MSR1: variants seen among roughly 807,000 people sequenced by gnomAD.
The protein encoded by MSR1 is macrophage scavenger receptor 1.
In MSR1, 53 loss-of-function variants were observed where a neutral mutation model predicts 47.2. The observed-to-expected ratio is 1.12, with a 90% CI of 0.90 to 1.41. The LOEUF is 1.41. Among genes scored for constraint, MSR1 ranks in the 40% most tolerant of loss-of-function variants. The probability of loss-of-function intolerance (pLI) is 0.00; values close to 1 mark genes in which losing one functional copy is unlikely to be tolerated. For synonymous variants in MSR1, 239 were observed against 185.6 expected (o/e 1.29, Z -2.34); for missense variants, 786 against 546.9 (o/e 1.44, Z -4.36).
At chr8:16,132,044 G>A (rs975555261) in intron 8 of MSR1, among the ~76,000 whole-genome samples, 2 of 151,716 alleles carry the variant, frequency 1.3e-5, no homozygotes, top group African/African-American at 2.4e-5. Flanking sequence ...GGTAGTTTGA[G>A]AGGAATAGCA....
chr8:16,175,417 G>GA, intron 2 of MSR1, 117 bp from the exon 3 acceptor site: 1 of 898,868 alleles, frequency 1.1e-6, no homozygotes, highest in Non-Finnish European at 1.7e-6. Flanking sequence ...TAAAAAAGAA[G>GA]AAAAAATGTT....
chr8:16,138,765 G>A (rs1456929789), intron 8 of MSR1, among the ~76,000 whole-genome samples: 1 of 152,172 alleles, frequency 6.6e-6, no homozygotes, highest in African/African-American at 2.4e-5. Context: ...CTAGATGTTT[G>A]TGTAAACTGG....
chr8:16,117,857 T>A (rs1024647697), intron 9 of MSR1, among the ~76,000 whole-genome samples: 1 of 152,074 alleles, frequency 6.6e-6, no homozygotes, highest in Non-Finnish European at 1.5e-5. Context: ...TCATAATAAG[T>A]TGTATAATCA....
At chr8:16,146,245 C>G (rs961774238) in intron 7 of MSR1, among the ~76,000 whole-genome samples, 67 of 152,022 alleles carry the variant, frequency 4.4e-4, no homozygotes, top group African/African-American at 1.5e-3. Flanking sequence ...CCCTGAATTC[C>G]TCACCTTATA....
At chr8:16,132,158 T>C (rs1381562500) in intron 8 of MSR1, among the ~76,000 whole-genome samples, 1 of 152,088 alleles carries the variant, frequency 6.6e-6, no homozygotes, top group East Asian at 1.9e-4. Flanking sequence ...TCATCTAGGA[T>C]TTCTTTGAGC....
At chr8:16,116,761 A>G (rs11780669) in intron 9 of MSR1, among the ~76,000 whole-genome samples, 10,165 of 152,120 alleles carry the variant, frequency 0.067, 543 homozygotes, top group Non-Finnish European at 0.099. Context: ...AGTTAATACA[A>G]TTTTAGGACA....
intron 8 of MSR1, among the ~76,000 whole-genome samples, chr8:16,136,291 T>C (rs968401579): frequency 1.3e-5 from 2 of 152,150 alleles, no homozygotes; most frequent in Non-Finnish European, 2.9e-5. Context: ...ACCATCACGC[T>C]GATTAGTAAG....
At chr8:16,122,202 A>T (rs1800021059) in intron 8 of MSR1, among the ~76,000 whole-genome samples, 1 of 152,116 alleles carries the variant, frequency 6.6e-6, no homozygotes, top group Admixed American at 6.6e-5. Context: ...AAACATGAAA[A>T]TAATTTGTTA....
At chr8:16,185,875 A>C (rs539553213) in intron 1 of MSR1, among the ~76,000 whole-genome samples, 4 of 151,780 alleles carry the variant, frequency 2.6e-5, no homozygotes, top group Non-Finnish European at 5.9e-5. Context: ...CACACACATA[A>C]ACTTGAAAAA....
At chr8:16,191,516 A>G (rs1174478416) in intron 1 of MSR1, among the ~76,000 whole-genome samples, 3 of 152,198 alleles carry the variant, frequency 2.0e-5, no homozygotes, top group Admixed American at 6.5e-5. Flanking sequence ...ATTTTAAAAT[A>G]TCACTTTTTT....
intron 8 of MSR1, among the ~76,000 whole-genome samples, chr8:16,132,008 T>C (rs529844683): frequency 6.6e-5 from 10 of 152,086 alleles, no homozygotes; most frequent in Non-Finnish European, 1.5e-4. Context: ...GTTTTTTTTT[T>C]TTCTAATTAC....
intron 9 of MSR1, 68 bp from the exon 10 acceptor site, chr8:16,110,286 G>C (rs971318214): frequency 6.5e-7 from 1 of 1,549,900 alleles, no homozygotes; most frequent in African/African-American, 1.4e-5. Flanking sequence ...GTGGGGCAAA[G>C]CCATTAATTC....
chr8:16,150,656 C>T (rs1800830673), intron 6 of MSR1, among the ~76,000 whole-genome samples: 1 of 151,958 alleles, frequency 6.6e-6, no homozygotes, highest in Non-Finnish European at 1.5e-5. Flanking sequence ...GAAATAATAA[C>T]TTTAAAATGC....
Position 16,132,469 on chromosome 8 carries a change from A to G in MSR1, c.1033+11089T>C, listed in dbSNP as rs150140807. ...TGACTTTTTCTCTTTCTATTTTGAT[A>G]CTGTGTATTTCTTTTTTTGTTTTGT... On this transcript the variant is annotated intron_variant, in intron 8 of 9. Transcript: ENST00000262101. 5.2e-3 allele frequency among the ~76,000 whole-genome samples: 795 copies of G among 152,064 alleles called. 9 individuals carry two copies. The highest frequency in any genetic ancestry group is 0.018 in the African/African-American group (765 of 41,504).
At position 16,127,674 on chromosome 8, in the gene MSR1, G is replaced by A. The variant is rs867462083; in HGVS notation, c.1034-7068C>T. 5.9e-5 allele frequency among the ~76,000 whole-genome samples: 9 copies of A among 152,238 alleles called. 1 individual carries two copies. Among genetic ancestry groups the A allele is most frequent in the Middle Eastern group, 6.8e-3 (2 of 294 alleles). ...GCCACACAAGAGCTGACTTCACAATGAATATAACATATCTAAAGAGAAAGA... is the reference window on the plus strand; with the variant it reads ...GCCACACAAGAGCTGACTTCACAATAAATATAACATATCTAAAGAGAAAGA... On this transcript the variant is annotated intron_variant, in intron 8 of 9. Coordinates refer to ENST00000262101, the MANE Select transcript of MSR1 (RefSeq NM_138715.3).
Position 16,168,890 on chromosome 8 carries a change from T to G in MSR1, c.218-20A>C. The G allele has an allele frequency of 6.2e-7, 1 of 1,608,624 alleles. No homozygotes were observed. The highest frequency in any genetic ancestry group is 8.5e-7 in the Non-Finnish European group (1 of 1,179,520). ...GTTGAGCTGTATATTTAAGTAAAAA[T>G]AAACCAGTCATGGCCTGATCCTTGA... On this transcript the variant is annotated intron_variant, in intron 3 of 9. Coordinates refer to ENST00000262101, the MANE Select transcript of MSR1 (RefSeq NM_138715.3).
At chr8:16,156,728 C>T (rs1483055545) in intron 5 of MSR1, among the ~76,000 whole-genome samples, 2 of 151,558 alleles carry the variant, frequency 1.3e-5, no homozygotes, top group Non-Finnish European at 2.9e-5. Context: ...ACATAATCGT[C>T]ATGCAAACAA....
chr8:16,178,102 T>TA, intron 1 of MSR1, 110 bp from the exon 2 acceptor site: 1 of 848,816 alleles, frequency 1.2e-6, no homozygotes, highest in Non-Finnish European at 1.8e-6. Context: ...ATTCAGTTTT[T>TA]CTTTTTTTTT....
At chr8:16,183,298 T>C (rs532459884) in intron 1 of MSR1, among the ~76,000 whole-genome samples, 37 of 152,142 alleles carry the variant, frequency 2.4e-4, no homozygotes, top group Non-Finnish European at 4.6e-4. Context: ...TGAAAAAAGC[T>C]GAAGACTTTT....
Sources: allele counts gnomAD v4.1 joint callset (sites outside exome capture counted in the v4.1 genomes callset), GRCh38; gene constraint gnomAD v4.1.1; transcripts MANE v1.5; gene names NCBI Gene and HGNC (gene_info 2026-07-23, HGNC 2026-07-21).